EYA4: variants seen among roughly 807,000 people sequenced by gnomAD.
EYA4 encodes the protein protein phosphatase EYA4.
EYA4 carries 31 observed loss-of-function variants against 87.9 expected under a neutral mutation model. The observed-to-expected ratio is 0.35, with a 90% confidence interval of 0.27 to 0.48. The LOEUF is 0.48. Ranked by LOEUF, EYA4 falls within the 20% of genes least tolerant of loss-of-function variation. The probability of loss-of-function intolerance (pLI) is 0.99; values close to 1 mark genes in which losing one functional copy is unlikely to be tolerated. For missense variants in EYA4, 678 were observed against 761.4 expected (o/e 0.89, Z 1.29); for synonymous variants, 263 against 270.6 (o/e 0.97, Z 0.28).
At chr6:133,273,091 ATATATG>A (rs1481747526) in intron 1 of EYA4, among the ~76,000 whole-genome samples, 1 of 115,538 alleles carries the variant, frequency 8.7e-6, no homozygotes, top group Non-Finnish European at 1.6e-5. Flanking sequence ...TAGGAGATAT[ATATATG>A]TATATATATA....
Position 133,512,725 on chromosome 6 carries a change from G to T in EYA4, c.1286G>T (p.Cys429Phe). The change falls in exon 15 of 20, where the codon TGT becomes TTT. Residue 429 changes from cysteine (C) to phenylalanine (F), a missense_variant. Cys to Phe is a radical substitution (Grantham distance 205). Coordinates refer to ENST00000355286, the MANE Select transcript of EYA4 (RefSeq NM_004100.5). The stretch of plus-strand genomic sequence containing the variant: ...CTTTTCCAATGTTTTTAACAGGAGT[G>T]TGATCAAGTTCATATAGATGATGTT... ...THLFFNDLEECDQVHIDDVSS... is the reference protein window; with the variant it reads ...THLFFNDLEEFDQVHIDDVSS... The T allele has an allele frequency of 6.2e-7, 1 of 1,610,584 alleles. No individual in the cohort carries two copies. The highest frequency in any genetic ancestry group is 8.5e-7 in the Non-Finnish European group (1 of 1,176,748).
Position 133,530,334 on chromosome 6 carries a change from A to C in EYA4, c.*1529A>C. ...AAGAGCCCATCATCGTTGTGTTTGCATGGTTTTTTTCCTTGTGTGTAGCCC... is the reference window on the plus strand; with the variant it reads ...AAGAGCCCATCATCGTTGTGTTTGCCTGGTTTTTTTCCTTGTGTGTAGCCC... On this transcript the variant is annotated 3_prime_UTR_variant, in exon 20 of 20. Transcript: ENST00000355286. 1.0e-6 allele frequency: 1 copy of C among 985,406 alleles called. No individual in the cohort carries two copies. The highest frequency in any genetic ancestry group is 1.2e-6 in the Non-Finnish European group (1 of 829,922). The allele number at this position is 985,406 out of a possible 1,614,324, so 61.0% of individuals were successfully genotyped here.
At chr6:133,317,600 A>C (rs1417443043) in intron 2 of EYA4, among the ~76,000 whole-genome samples, 1 of 152,210 alleles carries the variant, frequency 6.6e-6, no homozygotes, top group Non-Finnish European at 1.5e-5. Flanking sequence ...AAGTGTAAAA[A>C]TAATCATAAA....
chr6:133,329,851 A>T (rs541230076), intron 2 of EYA4, among the ~76,000 whole-genome samples: 3 of 152,236 alleles, frequency 2.0e-5, no homozygotes, highest in Admixed American at 2.0e-4. Flanking sequence ...ATAGACGTGA[A>T]TGGTGACGTG....
chr6:133,486,098 ATT>A (rs1474981659), intron 13 of EYA4, among the ~76,000 whole-genome samples: 1 of 152,240 alleles, frequency 6.6e-6, no homozygotes, highest in Non-Finnish European at 1.5e-5. Context: ...ACTCAGAGCA[ATT>A]TAAGAAAACT....
chr6:133,498,068 G>A (rs1797783017), intron 13 of EYA4, among the ~76,000 whole-genome samples: 1 of 152,162 alleles, frequency 6.6e-6, no homozygotes, highest in South Asian at 2.1e-4. Flanking sequence ...TTCTAACATA[G>A]CATTTGGCTG....
At chr6:133,287,581 G>T (rs537957319) in intron 2 of EYA4, among the ~76,000 whole-genome samples, 1 of 152,186 alleles carries the variant, frequency 6.6e-6, no homozygotes, top group African/African-American at 2.4e-5. Flanking sequence ...AGATGTTTTC[G>T]TGTTCTTGGG....
intron 3 of EYA4, among the ~76,000 whole-genome samples, chr6:133,383,416 G>A (rs1406945133): frequency 2.0e-5 from 3 of 148,734 alleles, no homozygotes; most frequent in Non-Finnish European, 4.5e-5. Context: ...TACTCGGGAG[G>A]GTGAGGTGGA....
chr6:133,382,593 G>A (rs1414501767), intron 3 of EYA4, 152 bp downstream of exon 3: 10 of 744,162 alleles, frequency 1.3e-5, no homozygotes, highest in South Asian at 5.7e-5. Context: ...GCTGGCTAGC[G>A]TACCACTACT....
chr6:133,483,664 G>T (rs927000292), intron 13 of EYA4, among the ~76,000 whole-genome samples: 2 of 146,826 alleles, frequency 1.4e-5, no homozygotes, highest in African/African-American at 5.2e-5. Flanking sequence ...TCTTGCTATT[G>T]TTTTTATTTT....
chr6:133,446,667 C>A lies in EYA4; in HGVS notation c.121C>A (p.Leu41Ile). 6.2e-7 allele frequency: 1 copy of A among 1,613,720 alleles called. No homozygotes were observed. Among genetic ancestry groups the A allele is most frequent in the Non-Finnish European group, 8.5e-7 (1 of 1,179,664 alleles). Residue 41 changes from leucine (L) to isoleucine (I), a missense_variant, in exon 4 of 20, where the codon CTT becomes ATT. Transcript: ENST00000355286. ...EMQDLASPHT[L>I]VGGGDTPGSS... ...GCAGGACCTAGCAAGTCCTCATACT[C>A]TTGTTGGAGGTGGTGATACTCCAGG...
chr6:133,465,153 A>C (rs1794738520), intron 10 of EYA4, among the ~76,000 whole-genome samples: 8 of 152,104 alleles, frequency 5.3e-5, no homozygotes, highest in Admixed American at 5.2e-4. Flanking sequence ...GCTATCTTAA[A>C]ATATACTAAG....
At position 133,505,326 on chromosome 6, in the gene EYA4, C is replaced by T. The variant is rs185892520; in HGVS notation, c.1192-780C>T. On this transcript the variant is annotated intron_variant, in intron 13 of 19. Coordinates refer to ENST00000355286, the MANE Select transcript of EYA4 (RefSeq NM_004100.5). ...AAGTAACAACTCTGGTCTTGATTTT[C>T]GACTTCTTGCTGCTGTTTAATATCT... is the stretch of plus-strand genomic sequence containing the variant. Among the ~76,000 whole-genome samples the T allele has an allele frequency of 3.7e-4, 57 of 152,258 alleles. 2 individuals are homozygous for T. The highest frequency in any genetic ancestry group is 2.9e-4 in the Non-Finnish European group (20 of 68,014).
At chr6:133,438,198 C>G (rs1298925122) in intron 3 of EYA4, among the ~76,000 whole-genome samples, 4 of 151,928 alleles carry the variant, frequency 2.6e-5, no homozygotes, top group African/African-American at 9.7e-5. Flanking sequence ...ATTGACCTAC[C>G]TAAATGAATT....
At chr6:133,273,558 G>T (rs1046282767) in intron 1 of EYA4, among the ~76,000 whole-genome samples, 2 of 152,124 alleles carry the variant, frequency 1.3e-5, no homozygotes, top group African/African-American at 4.8e-5. Context: ...TGTATTTTCA[G>T]AAATATTTAA....
chr6:133,439,769 C>G (rs1228917285), intron 3 of EYA4, among the ~76,000 whole-genome samples: 3 of 152,180 alleles, frequency 2.0e-5, no homozygotes, highest in Admixed American at 2.0e-4. Flanking sequence ...CTTCATAAGT[C>G]AGACTGATTC....
At chr6:133,366,653 A>G (rs1286342292) in intron 2 of EYA4, among the ~76,000 whole-genome samples, 1 of 152,254 alleles carries the variant, frequency 6.6e-6, no homozygotes, top group African/African-American at 2.4e-5. Context: ...ATTGATTTCT[A>G]CGTGGTATTT....
At chr6:133,262,305 G>A (rs1386167388) in intron 1 of EYA4, among the ~76,000 whole-genome samples, 1 of 152,222 alleles carries the variant, frequency 6.6e-6, no homozygotes, top group Non-Finnish European at 1.5e-5. Flanking sequence ...TCTTCTGACA[G>A]GCTACAGGAG....
intron 3 of EYA4, among the ~76,000 whole-genome samples, chr6:133,385,436 T>A (rs296413): frequency 1.6e-5 from 2 of 121,624 alleles, no homozygotes; most frequent in African/African-American, 2.8e-5. Context: ...TGTGTGTGTG[T>A]GTGTGAGAGA....
Sources: allele counts gnomAD v4.1 joint callset (sites outside exome capture counted in the v4.1 genomes callset), GRCh38; gene constraint gnomAD v4.1.1; transcripts MANE v1.5; gene names NCBI Gene and HGNC (gene_info 2026-07-23, HGNC 2026-07-21).